Variants in ARMCX4 observed in about 807,000 individuals in gnomAD.
ARMCX4 encodes armadillo repeat containing X-linked 4, also known as armadillo repeat-containing X-linked protein 4.
A neutral mutation model predicts 34.7 loss-of-function variants in ARMCX4; 3 were observed. That is an observed-to-expected ratio of 0.09 (90% CI 0.04 to 0.22). The LOEUF is 0.22. Ranked by LOEUF, ARMCX4 falls within the 10% of genes least tolerant of loss-of-function variation. The pLI is 1.00. For missense variants in ARMCX4, 1,448 were observed against 1,720.8 expected (o/e 0.84, Z 2.81); for synonymous variants, 513 against 632.8 (o/e 0.81, Z 2.84).
intron 11 of ARMCX4, among the ~76,000 whole-genome samples, chrX:101,520,914 T>C (rs1934839946): frequency 9.1e-6 from 1 of 110,301 alleles, no homozygotes; most frequent in Admixed American, 9.8e-5. Flanking sequence ...AAAAAAATTA[T>C]TACTAATTAA....
chrX:101,471,658 G>A (rs1192549565), intron 4 of ARMCX4, among the ~76,000 whole-genome samples: 3 of 111,512 alleles, frequency 2.7e-5, no homozygotes, highest in South Asian at 3.8e-4. Context: ...CCCTGACCCT[G>A]GAGCAGCCTA....
In ARMCX4 at chrX:101,521,090, C is replaced by T. The variant is rs188070514; in HGVS notation, c.*1780+10035C>T. Among the ~76,000 whole-genome samples, 197 of 108,865 alleles carry T rather than the reference C, an allele frequency of 1.8e-3. 1 individual carries two copies. The highest frequency in any genetic ancestry group is 6.4e-3 in the African/African-American group (191 of 29,888). The allele number at this position is 108,865 out of a possible 115,157, so 94.5% of individuals were successfully genotyped here. On this transcript the variant is annotated intron_variant and NMD_transcript_variant, in intron 11 of 12. Transcript: ENST00000354842. ...GGGATTACAGATGCCTGCCACCATG[C>T]CTGGCTAATTTTCATATTTTTAGTA...
chrX:101,452,020 C>A (rs1158593970), downstream of ARMCX4, among the ~76,000 whole-genome samples: 2 of 111,127 alleles, frequency 1.8e-5, no homozygotes, highest in African/African-American at 6.5e-5. Flanking sequence ...TCTATGGAAG[C>A]CTTAATGTAT....
At chrX:101,529,944 G>A (rs953686070) in intron 11 of ARMCX4, among the ~76,000 whole-genome samples, 3 of 111,749 alleles carry the variant, frequency 2.7e-5, no homozygotes, top group Non-Finnish European at 5.6e-5. Flanking sequence ...CAGGGATCTA[G>A]TACTAGAAAT....
chrX:101,440,298 G>T lies in ARMCX4; in HGVS notation n.165-3754G>T, dbSNP rs781876386. On this transcript the variant is annotated intron_variant and non_coding_transcript_variant, in intron 2 of 3. Coordinates refer to the ARMCX4 transcript ENST00000430461. ...CAGAGGCTGCAGAACAGCGGATATT[G>T]GTGAACAGCAAATGCTGCTGCCTGA... is the stretch of plus-strand genomic sequence containing the variant. Among the ~76,000 whole-genome samples, 5 of 111,795 alleles carry T rather than the reference G, an allele frequency of 4.5e-5. No homozygotes were observed. In the South Asian group the frequency reaches 1.9e-3, roughly 42 times the overall value.
intron 2 of ARMCX4, among the ~76,000 whole-genome samples, chrX:101,421,174 G>A (rs1555990015): frequency 1.1e-5 from 1 of 93,503 alleles, no homozygotes; most frequent in African/African-American, 4.4e-5. Flanking sequence ...TTGCACACCA[G>A]CCTGGGCAAC....
chrX:101,425,690 C>A (rs112981763), intron 2 of ARMCX4, among the ~76,000 whole-genome samples: 4,979 of 110,903 alleles, frequency 0.045, 88 homozygotes, highest in Middle Eastern at 0.069. Context: ...GTACTGCGCC[C>A]AGCCGGTAGG....
chrX:101,422,639 T>A (rs1555990282), intron 2 of ARMCX4, among the ~76,000 whole-genome samples: 1 of 111,334 alleles, frequency 9.0e-6, no homozygotes, highest in African/African-American at 3.3e-5. Context: ...ATTTCTAATC[T>A]TGTAGCTAAT....
chrX:101,526,331 A>G (rs1438396540), intron 11 of ARMCX4, among the ~76,000 whole-genome samples: 2 of 112,083 alleles, frequency 1.8e-5, no homozygotes, highest in African/African-American at 6.5e-5. Context: ...CTCCTGATGG[A>G]AGCACTAAAC....
At chrX:101,498,177 C>T (rs782367554), downstream of ARMCX4, 22 of 328,848 alleles carry the variant, frequency 6.7e-5, no homozygotes, top group Middle Eastern at 1.8e-3. Context: ...CTAGTAAAAA[C>T]GCTTCATGCT....
At chrX:101,463,423 C>T (rs1272436671) in intron 4 of ARMCX4, among the ~76,000 whole-genome samples, 1 of 112,114 alleles carries the variant, frequency 8.9e-6, no homozygotes. Context: ...TCAAGGGACT[C>T]TTGTCTTTTT....
At chrX:101,532,631 T>C (rs1556022423) in intron 12 of ARMCX4, 2 of 111,068 alleles carry the variant, frequency 1.8e-5, no homozygotes, top group Non-Finnish European at 3.8e-5. Flanking sequence ...ATTCAATAAA[T>C]ACAGGATTGA....
At chrX:101,471,489 C>G (rs1556002985) in intron 4 of ARMCX4, among the ~76,000 whole-genome samples, 1 of 112,217 alleles carries the variant, frequency 8.9e-6, no homozygotes, top group Non-Finnish European at 1.9e-5. Flanking sequence ...ATTTGTCCCT[C>G]TGAAACAGGT....
Position 101,488,795 on chromosome X carries a change from C to A in ARMCX4, c.206C>A (p.Pro69His). ...AINEAEIKTK[P>H]QVEIGAETGA... Reference sequence around the variant, plus strand: ...AATGAAGCAGAGATTAAGACTAAACCCCAAGTCGAGATTGGAGCAGAAACT... The same window carrying A: ...AATGAAGCAGAGATTAAGACTAAACACCAAGTCGAGATTGGAGCAGAAACT... Residue 69 changes from proline (P) to histidine (H), a missense_variant, in exon 6 of 6, where the codon CCC becomes CAC. Physicochemically the swap from Pro to His is moderately conservative, Grantham distance 77. This residue lies in a region of ARMCX4 where 1,343 missense variants were observed against 1,540.7 expected (regional missense o/e 0.87). Transcript: ENST00000423738. The A allele has an allele frequency of 1.7e-6, 2 of 1,156,100 alleles. No homozygotes were observed. The highest frequency in any genetic ancestry group is 1.1e-6 in the Non-Finnish European group (1 of 873,035).
chrX:101,524,601 C>T lies in ARMCX4; in HGVS notation c.*1781-7043C>T, dbSNP rs374234872. Among the ~76,000 whole-genome samples, 31 of 111,842 alleles carry T rather than the reference C, an allele frequency of 2.8e-4. No homozygotes were observed. The East Asian group carries it at 3.7e-3, about 13-fold the overall frequency. ...ATGGTACCTGGAAAATCGGGACACT[C>T]CCGCCCTAATACTGCACTTTTCCAA... is the stretch of plus-strand genomic sequence containing the variant. On this transcript the variant is annotated intron_variant and NMD_transcript_variant, in intron 11 of 12. Coordinates refer to the ARMCX4 transcript ENST00000354842.
chrX:101,482,084 A>G (rs1024019462), upstream of ARMCX4, among the ~76,000 whole-genome samples: 4 of 110,647 alleles, frequency 3.6e-5, no homozygotes, highest in East Asian at 5.7e-4. Flanking sequence ...AAATACAAAC[A>G]TTAGCTGGGC....
chrX:101,433,320 T>C (rs1025684332), intron 2 of ARMCX4, among the ~76,000 whole-genome samples: 1 of 99,586 alleles, frequency 1.0e-5, no homozygotes, highest in Non-Finnish European at 2.0e-5. Context: ...ACATATATAC[T>C]TACATATAAA....
At position 101,495,566 on chromosome X, in the gene ARMCX4, A is replaced by G; in HGVS notation, c.*104A>G. 1 of 825,364 alleles carries G rather than the reference A, an allele frequency of 1.2e-6. No individual in the cohort carries two copies. The highest frequency in any genetic ancestry group is 3.4e-5 in the South Asian group (1 of 29,121). 68.0% of individuals were successfully genotyped at this position (825,364 alleles called of 1,213,427 possible). A position where few individuals can be genotyped will look rare whatever the true frequency, so the allele number is the denominator to read the frequency against. ...TATAACTTTGAAACTGATGTTACCT[A>G]TGATGGTCTATAGCTGGACCATTTT... is the stretch of plus-strand genomic sequence containing the variant. On this transcript the variant is annotated 3_prime_UTR_variant, in exon 6 of 6. Coordinates refer to ENST00000423738, the MANE Select transcript of ARMCX4 (RefSeq NM_001256155.3).
intron 4 of ARMCX4, among the ~76,000 whole-genome samples, chrX:101,454,933 C>T (rs1354971740): frequency 2.7e-5 from 3 of 111,202 alleles, no homozygotes; most frequent in African/African-American, 9.8e-5. Context: ...GCTTTCTGGC[C>T]TCTTCTTATA....
Sources: gnomAD v4.1 joint callset for allele counts (sites outside exome capture counted in the v4.1 genomes callset) on GRCh38, gnomAD v4.1.1 for gene constraint, gnomAD v4.1.1 regional missense constraint, MANE v1.5 for transcripts, NCBI Gene and HGNC (gene_info 2026-07-23, HGNC 2026-07-21) for gene names.